Variants in LETM1 observed in about 807,000 individuals in gnomAD.
LETM1 encodes leucine zipper and EF-hand containing transmembrane protein 1, also known as mitochondrial proton/calcium exchanger protein.
A neutral mutation model predicts 74.5 loss-of-function variants in LETM1; 50 were observed. That is an observed-to-expected ratio of 0.67 (90% confidence interval 0.53 to 0.85). The LOEUF is 0.85. Among genes scored for constraint, LETM1 ranks in the 40% least tolerant of loss-of-function variants. The probability of loss-of-function intolerance (pLI) is 0.00; values close to 1 mark genes in which losing one functional copy is unlikely to be tolerated. For synonymous variants in LETM1, 446 were observed against 407.1 expected (o/e 1.10, Z -1.15); for missense variants, 824 against 967.8 (o/e 0.85, Z 1.97).
At chr4:1,831,119 C>T (rs192269198) in intron 6 of LETM1, among the ~76,000 whole-genome samples, 1 of 152,226 alleles carries the variant, frequency 6.6e-6, no homozygotes, top group African/African-American at 2.4e-5. Flanking sequence ...ATCGTCCCCC[C>T]CAGCTTACTG....
chr4:1,811,970 G>A lies in LETM1; in HGVS notation c.*2454C>T, dbSNP rs1722482891. ...TCCCAGCACTTTGGGAGGCCGAGGT[G>A]AGTAGATCACGAAGTCAGGAGATCG... On this transcript the variant is annotated 3_prime_UTR_variant, in exon 14 of 14. Coordinates refer to ENST00000302787, the MANE Select transcript of LETM1 (RefSeq NM_012318.3). 6.6e-6 allele frequency: 1 copy of A among 152,104 alleles called. No individual in the cohort carries two copies. The highest frequency in any genetic ancestry group is 1.5e-5 in the Non-Finnish European group (1 of 68,058). 9.4% of individuals were successfully genotyped at this position (152,104 alleles called of 1,614,324 possible).
At chr4:1,839,540 G>A (rs894585991) in intron 3 of LETM1, among the ~76,000 whole-genome samples, 14 of 152,234 alleles carry the variant, frequency 9.2e-5, no homozygotes, top group Admixed American at 6.5e-5. Flanking sequence ...ATTCAGTGGC[G>A]AGGTGCGCCT....
chr4:1,819,126 C>T (rs1045372556), intron 11 of LETM1, among the ~76,000 whole-genome samples: 27 of 151,322 alleles, frequency 1.8e-4, no homozygotes, highest in African/African-American at 5.6e-4. Flanking sequence ...GTGGCCAGAA[C>T]GGCACACAGC....
intron 6 of LETM1, among the ~76,000 whole-genome samples, chr4:1,831,959 G>A (rs1172126868): frequency 6.6e-6 from 1 of 152,180 alleles, no homozygotes; most frequent in African/African-American, 2.4e-5. Flanking sequence ...ATGACAAGAG[G>A]AACAGTTTTA....
Position 1,815,669 on chromosome 4 carries a change from C to G in LETM1, c.2065G>C (p.Val689Leu). Residue 689 changes from valine (V) to leucine (L), a missense_variant, in exon 13 of 14, where the codon GTC (valine) becomes CTC (leucine). Val to Leu is a conservative substitution (Grantham distance 32). This residue lies in a region of LETM1 where 161 missense variants were observed against 252.7 expected (regional missense o/e 0.64). Transcript: ENST00000302787. ...TGGTCCCCAGCGAGGCCCACCTTGA[C>G]GAGGTCGTCGATGTTGACCTTGCCA... is the stretch of plus-strand genomic sequence containing the variant. Reference protein sequence around the residue: ...KDGKVNIDDLVKVIELVDKED... With the variant: ...KDGKVNIDDLLKVIELVDKED... The G allele has an allele frequency of 6.2e-7, 1 of 1,614,134 alleles. No individual in the cohort carries two copies. Among genetic ancestry groups the G allele is most frequent in the Non-Finnish European group, 8.5e-7 (1 of 1,179,982 alleles).
rs1305452910 is a variant in LETM1 at position 1,825,674 on chromosome 4, C to G, written c.1090G>C (p.Glu364Gln). The change falls in exon 7 of 14, where the codon GAG (glutamate) becomes CAG (glutamine). Residue 364 changes from glutamate (E) to glutamine (Q), a missense_variant. Physicochemically the swap from Glu to Gln is conservative, Grantham distance 29. Coordinates refer to ENST00000302787, the MANE Select transcript of LETM1 (RefSeq NM_012318.3). ...SIKADDKLIAEEGVDSLNVKE... is the reference protein window; with the variant it reads ...SIKADDKLIAQEGVDSLNVKE... ...ACATTCAGGCTGTCCACCCCTTCCT[C>G]AGCAATCAGCTAGAAAACAAAGCAG... is the stretch of plus-strand genomic sequence containing the variant. The G allele has an allele frequency of 1.9e-6, 3 of 1,613,100 alleles. No individual in the cohort carries two copies. In the South Asian group the frequency reaches 3.3e-5, roughly 18 times the overall value.
intron 2 of LETM1, among the ~76,000 whole-genome samples, chr4:1,847,921 G>A (rs1016272151): frequency 2.6e-5 from 4 of 151,434 alleles, no homozygotes; most frequent in African/African-American, 9.7e-5. Context: ...GCTTGAACCC[G>A]GGAGGTGGAG....
At chr4:1,821,850 C>A (rs1413425989) in intron 10 of LETM1, among the ~76,000 whole-genome samples, 1 of 152,164 alleles carries the variant, frequency 6.6e-6, no homozygotes, top group African/African-American at 2.4e-5. Context: ...GCTTCCACAC[C>A]CCTTCACTGT....
chr4:1,825,591 T>C lies in LETM1; in HGVS notation c.1173A>G (p.Glu391=), dbSNP rs773723668. Residue 391 remains glutamate (E), a synonymous_variant, in exon 7 of 14, where the codon GAA becomes GAG. Coordinates refer to ENST00000302787, the MANE Select transcript of LETM1 (RefSeq NM_012318.3). ...GCTTCAGCTGACCCCTCAGGCGGTC[T>C]TCCGTGACGCCCAGGGCCCGCATGC... The part of the protein sequence containing the change: ...ARGMRALGVT[E]DRLRGQLKQW... 14 of 1,613,570 alleles carry C rather than the reference T, an allele frequency of 8.7e-6. No homozygotes were observed. In the Admixed American group the frequency reaches 2.0e-4, roughly 23 times the overall value.
At chr4:1,815,052 C>A (rs188464463) in intron 13 of LETM1, among the ~76,000 whole-genome samples, 3 of 152,216 alleles carry the variant, frequency 2.0e-5, no homozygotes, top group Admixed American at 6.5e-5. Flanking sequence ...ATGCATGCAC[C>A]GGGAGCCACG....
intron 7 of LETM1, among the ~76,000 whole-genome samples, chr4:1,824,616 C>T (rs927899308): frequency 7.9e-5 from 12 of 152,204 alleles, no homozygotes; most frequent in Admixed American, 5.2e-4. Flanking sequence ...AAGGCACCAC[C>T]GAGAGGTGGG....
Position 1,822,301 on chromosome 4 carries a change from C to A in LETM1, c.1488G>T (p.Glu496Asp). 1.3e-6 allele frequency: 2 copies of A among 1,504,426 alleles called. No homozygotes were observed. Among genetic ancestry groups the A allele is most frequent in the South Asian group, 1.3e-5 (1 of 76,192 alleles). The allele number at this position is 1,504,426 out of a possible 1,614,324, so 93.2% of individuals were successfully genotyped here. Residue 496 changes from glutamate to aspartate, a missense_variant, in exon 10 of 14, where the codon GAG (glutamate) becomes GAT (aspartate). By Grantham distance (45) the Glu-to-Asp change is conservative. Transcript: ENST00000302787. ...GGGGAGCAGCTACCACACGTTCGGG[C>A]TCAAAATCCTTCTGAAAGGCAAGGC... The part of the protein sequence containing the change: ...QKRSEVAKDF[E>D]PERVVAAPQR...
chr4:1,818,723 C>T (rs944782509), intron 11 of LETM1, among the ~76,000 whole-genome samples: 3 of 152,222 alleles, frequency 2.0e-5, no homozygotes, highest in South Asian at 2.1e-4. Context: ...GCCACTTTCA[C>T]GTAATCATGA....
rs1318687542 is a variant in LETM1 at position 1,823,146 on chromosome 4, A to G, written c.1333-15T>C. 1 of 1,572,770 alleles carries G rather than the reference A, an allele frequency of 6.4e-7. No homozygotes were observed. Among genetic ancestry groups the G allele is most frequent in the East Asian group, 2.4e-5 (1 of 42,376 alleles). On this transcript the variant is annotated splice_polypyrimidine_tract_variant and intron_variant, in intron 8 of 13. Coordinates refer to ENST00000302787, the MANE Select transcript of LETM1 (RefSeq NM_012318.3). ...GCTTCCTTTGCCTTCAGAAGAGGGT[A>G]CATCTGTGGGTGAGCCCAGAAGCCA...
intron 10 of LETM1, among the ~76,000 whole-genome samples, chr4:1,819,709 G>T (rs1711706439): frequency 6.6e-6 from 1 of 152,186 alleles, no homozygotes; most frequent in African/African-American, 2.4e-5. Flanking sequence ...CGTCATCTAT[G>T]AATTGACACG....
intron 1 of LETM1, among the ~76,000 whole-genome samples, chr4:1,852,056 A>C (rs1713087409): frequency 6.6e-6 from 1 of 152,014 alleles, no homozygotes; most frequent in South Asian, 2.1e-4. Flanking sequence ...CTTTTTTCCA[A>C]CACCAACGAA....
At chr4:1,818,811 G>A (rs895246892) in intron 11 of LETM1, among the ~76,000 whole-genome samples, 9 of 152,184 alleles carry the variant, frequency 5.9e-5, no homozygotes, top group African/African-American at 1.9e-4. Context: ...GGCCAGGCAC[G>A]GTGGCCACGC....
chr4:1,822,493 G>C (rs1711817434), intron 9 of LETM1, 181 bp from the exon 10 acceptor site: 2 of 575,088 alleles, frequency 3.5e-6, no homozygotes, highest in East Asian at 7.0e-5. Flanking sequence ...AGGTCACCTG[G>C]GGCCCTCTCC....
intron 2 of LETM1, among the ~76,000 whole-genome samples, chr4:1,845,989 C>G (rs1712870340): frequency 6.6e-6 from 1 of 151,488 alleles, no homozygotes; most frequent in South Asian, 2.1e-4. Flanking sequence ...TCCCAAGTAC[C>G]TGGGACTACA....
Sources: allele counts gnomAD v4.1 joint callset (sites outside exome capture counted in the v4.1 genomes callset), GRCh38; gene constraint gnomAD v4.1.1; regional missense constraint gnomAD v4.1.1; transcripts MANE v1.5; gene names NCBI Gene and HGNC (gene_info 2026-07-23, HGNC 2026-07-21).